Variants in ANKS1B observed in about 807,000 individuals in gnomAD.
ANKS1B encodes the protein ankyrin repeat and sterile alpha motif domain containing 1B, also known as ankyrin repeat and sterile alpha motif domain-containing protein 1B.
In ANKS1B, 36 loss-of-function variants were observed where a neutral mutation model predicts 148.3. That is an observed-to-expected ratio of 0.24 (90% CI 0.19 to 0.32). The LOEUF is 0.32. Ranked by LOEUF, ANKS1B falls within the 10% of genes least tolerant of loss-of-function variation. The pLI is 1.00. For missense variants in ANKS1B, 1,157 were observed against 1,542.6 expected (o/e 0.75, Z 4.19); for synonymous variants, 542 against 560.8 (o/e 0.97, Z 0.47).
chr12:99,852,886 T>C (rs2088201898), intron 1 of ANKS1B, among the ~76,000 whole-genome samples: 1 of 152,202 alleles, frequency 6.6e-6, no homozygotes, highest in African/African-American at 2.4e-5. Flanking sequence ...ACAGTGTGAG[T>C]GAGACTGGCC....
chr12:99,592,903 G>A (rs2097717870), intron 9 of ANKS1B, among the ~76,000 whole-genome samples: 1 of 152,084 alleles, frequency 6.6e-6, no homozygotes, highest in Non-Finnish European at 1.5e-5. Flanking sequence ...GGGAAATGGG[G>A]GGTGTTCCAA....
At chr12:99,268,518 G>A (rs946590084) in intron 12 of ANKS1B, among the ~76,000 whole-genome samples, 1 of 152,160 alleles carries the variant, frequency 6.6e-6, no homozygotes, top group African/African-American at 2.4e-5. Context: ...CCTCTTCTAT[G>A]AGGGCCACAA....
intron 9 of ANKS1B, among the ~76,000 whole-genome samples, chr12:99,508,358 C>T (rs564216657): frequency 5.3e-5 from 8 of 151,392 alleles, no homozygotes; most frequent in East Asian, 1.9e-4. Flanking sequence ...AGACAGCAGA[C>T]GAGAAAAATA....
At chr12:99,266,126 C>T (rs1053159940) in intron 12 of ANKS1B, among the ~76,000 whole-genome samples, 7 of 152,240 alleles carry the variant, frequency 4.6e-5, no homozygotes, top group Middle Eastern at 3.4e-3. Context: ...TAATGCCTTA[C>T]CTTATATGAA....
chr12:99,058,719 CTTTTTTTTTTTTTTTTTTTTT>C (rs869064302), intron 16 of ANKS1B, among the ~76,000 whole-genome samples: 3 of 80,666 alleles, frequency 3.7e-5, no homozygotes. Context: ...TCTATCTATC[CTTTTTTTTTTTTTTTTTTTTT>C]TTTTTTTTTT....
intron 12 of ANKS1B, among the ~76,000 whole-genome samples, chr12:99,315,290 C>T (rs907536219): frequency 5.4e-5 from 8 of 147,702 alleles, no homozygotes; most frequent in East Asian, 2.0e-4. Context: ...ACTTACAAAA[C>T]GGAAAAAATT....
chr12:99,167,850 T>C lies in ANKS1B; in HGVS notation c.2420-13455A>G, dbSNP rs75421087. Among the ~76,000 whole-genome samples the C allele has an allele frequency of 5.7e-3, 873 of 152,300 alleles. 13 individuals are homozygous for C. Among genetic ancestry groups the C allele is most frequent in the African/African-American group, 0.02 (845 of 41,578 alleles). On this transcript the variant is annotated intron_variant, in intron 14 of 26. Transcript: ENST00000683438. ...ACAAATTGTGGCATATCTATACAAC[T>C]GAATATTACTCAGCAATAAAAAGGA... is the stretch of plus-strand genomic sequence containing the variant.
At chr12:99,968,231 T>C (rs190474094) in intron 1 of ANKS1B, among the ~76,000 whole-genome samples, 253 of 152,278 alleles carry the variant, frequency 1.7e-3, no homozygotes, top group Non-Finnish European at 3.2e-3. Context: ...ACGACAGGCT[T>C]AGATTTATTG....
At position 99,246,855 on chromosome 12, in the gene ANKS1B, G is replaced by A. The variant is rs771981391; in HGVS notation, c.1766C>T (p.Ser589Phe). 1.3e-6 allele frequency: 2 copies of A among 1,582,016 alleles called. No individual in the cohort carries two copies. Among genetic ancestry groups the A allele is most frequent in the South Asian group, 2.3e-5 (2 of 85,830 alleles). Residue 589 changes from serine to phenylalanine, a missense_variant, in exon 13 of 27, where the codon TCC (serine) becomes TTC (phenylalanine). Physicochemically the swap from Ser to Phe is radical, Grantham distance 155. Transcript: ENST00000683438. The part of the protein sequence containing the change: ...NEGTNHTDDL[S>F]RQDDNDPPKE... ...TGGGGGATCATTGTCATCCTGTCGG[G>A]AGAGGTCATCTGCAAAAGGAAGGAA...
rs1021954553 is a variant in ANKS1B at position 99,557,826 on chromosome 12, G to A, written c.1273-53185C>T. Among the ~76,000 whole-genome samples the A allele has an allele frequency of 3.3e-5, 5 of 152,200 alleles. 1 individual carries two copies. The highest frequency in any genetic ancestry group is 2.0e-4 in the Admixed American group (3 of 15,290). On this transcript the variant is annotated intron_variant, in intron 9 of 26. Coordinates refer to ENST00000683438, the MANE Select transcript of ANKS1B (RefSeq NM_001352186.2). The stretch of plus-strand genomic sequence containing the variant: ...TAATCTTTGAAGAAGCCGTCTTTTA[G>A]ATGAGGTTTTTTGCTTTTATCTCTC...
intron 8 of ANKS1B, among the ~76,000 whole-genome samples, chr12:99,658,874 A>G (rs546240597): frequency 6.6e-6 from 1 of 152,178 alleles, no homozygotes; most frequent in East Asian, 1.9e-4. Context: ...TGGCTTATTT[A>G]CCCTTGTGAA....
rs367809062 is a variant in ANKS1B, at chr12:99,915,217, A to G, written c.134+68887T>C. 1.1e-4 allele frequency among the ~76,000 whole-genome samples: 14 copies of G among 125,524 alleles called. No individual in the cohort carries two copies. The South Asian group carries it at 3.1e-3, about 28-fold the overall frequency. 82.3% of individuals were successfully genotyped at this position (125,524 alleles called of 152,430 possible). On this transcript the variant is annotated intron_variant, in intron 1 of 26. Transcript: ENST00000683438. ...TCCAGCATGGGCAACAAGAACAAAA[A>G]GCTGTCTCAAAAAAAAAAAAAAAAA...
chr12:99,479,648 C>A (rs2096378676), intron 10 of ANKS1B, among the ~76,000 whole-genome samples: 1 of 151,820 alleles, frequency 6.6e-6, no homozygotes, highest in African/African-American at 2.4e-5. Context: ...TACTGCATGA[C>A]CTCACTTGTA....
chr12:99,766,104 G>T (rs1451708151), intron 8 of ANKS1B, among the ~76,000 whole-genome samples: 1 of 152,152 alleles, frequency 6.6e-6, no homozygotes, highest in African/African-American at 2.4e-5. Flanking sequence ...AATGCATTTT[G>T]CAATGATAAT....
intron 11 of ANKS1B, among the ~76,000 whole-genome samples, chr12:99,429,336 G>A (rs2095323445): frequency 6.6e-6 from 1 of 152,122 alleles, no homozygotes. Context: ...TTCTGACAAA[G>A]ATACATACCC....
Position 99,195,294 on chromosome 12 carries a change from GT to G in ANKS1B, c.2420-40900del, listed in dbSNP as rs2081258750. Among the ~76,000 whole-genome samples, 8 of 152,218 alleles carry G rather than the reference GT, an allele frequency of 5.3e-5. No individual in the cohort carries two copies. In the South Asian group the frequency reaches 1.7e-3, roughly 32 times the overall value. ...AGAACTCCAATAACGTAATAAACATGTTAAGTGCCTAGTGTATTAAATCTCT... is the reference window on the plus strand; with the variant it reads ...AGAACTCCAATAACGTAATAAACATGTAAGTGCCTAGTGTATTAAATCTCT... On this transcript the variant is annotated intron_variant, in intron 14 of 26. Transcript: ENST00000683438.
intron 22 of ANKS1B, among the ~76,000 whole-genome samples, chr12:98,796,481 C>T (rs767980280): frequency 6.7e-6 from 1 of 148,380 alleles, no homozygotes; most frequent in African/African-American, 2.5e-5. Context: ...GGGGTTCAAA[C>T]TGAAAATTAG....
At chr12:98,869,334 C>G (rs1432915422) in intron 17 of ANKS1B, among the ~76,000 whole-genome samples, 1 of 152,138 alleles carries the variant, frequency 6.6e-6, no homozygotes, top group Non-Finnish European at 1.5e-5. Context: ...CAAGAGTGAG[C>G]TGCTCCCCTA....
Position 98,832,156 on chromosome 12 carries a change from G to C in ANKS1B, c.2779-20C>G. 4 of 1,516,506 alleles carry C rather than the reference G, an allele frequency of 2.6e-6. No homozygotes were observed. The highest frequency in any genetic ancestry group is 3.6e-6 in the Non-Finnish European group (4 of 1,119,450). The allele number at this position is 1,516,506 out of a possible 1,614,324, so 93.9% of individuals were successfully genotyped here. On this transcript the variant is annotated intron_variant, in intron 17 of 26. Transcript: ENST00000683438. ...TAAAACCTGAAACAACATATATTTG[G>C]GTTAAATATTTCACTGGAGAACAAA...
Sources: allele counts gnomAD v4.1 joint callset (sites outside exome capture counted in the v4.1 genomes callset), GRCh38; gene constraint gnomAD v4.1.1; transcripts MANE v1.5; gene names NCBI Gene and HGNC (gene_info 2026-07-23, HGNC 2026-07-21).